The following ATXN7 variants were observed in gnomAD, a reference collection of about 807,000 sequenced individuals.
ATXN7 encodes the protein ataxin 7, also known as ataxin-7.
In ATXN7, 12 loss-of-function variants were observed where a neutral mutation model predicts 70.5. The observed-to-expected ratio is 0.17, with a 90% CI of 0.11 to 0.28. The LOEUF is 0.28. ATXN7 is among the 10% of genes least tolerant of loss of function. ATXN7 has a pLI of 1.00. For missense variants in ATXN7, 1,256 were observed against 1,131.7 expected, an observed-to-expected ratio of 1.11 and a Z score of -1.58; for synonymous variants, 498 against 448.7, an observed-to-expected ratio of 1.11 and a Z score of -1.39.
chr3:63,936,459 A>G (rs2074664428), intron 4 of ATXN7, among the ~76,000 whole-genome samples: 1 of 152,216 alleles, frequency 6.6e-6, no homozygotes, highest in South Asian at 2.1e-4. Flanking sequence ...GAAACCTGCT[A>G]TAAAATCAAG....
In ATXN7 at chr3:64,002,914, A is replaced by G. The variant is rs553325427; in HGVS notation, c.*3447A>G. 3 of 152,266 alleles carry G rather than the reference A, an allele frequency of 2.0e-5. No individual in the cohort carries two copies. The highest frequency in any genetic ancestry group is 2.0e-4 in the Admixed American group (3 of 15,296). The allele number at this position is 152,266 out of a possible 1,614,324, so 9.4% of individuals were successfully genotyped here. On this transcript the variant is annotated 3_prime_UTR_variant, in exon 13 of 13. Coordinates refer to ENST00000674280, the MANE Select transcript of ATXN7 (RefSeq NM_001377405.1). ...TTAAAATATTTTGTATTCCAAAAAT[A>G]TAATACAAAGAAGTACCTCTGAGAA...
chr3:63,973,651 TC>T (rs2075350256), intron 5 of ATXN7, among the ~76,000 whole-genome samples: 2 of 152,096 alleles, frequency 1.3e-5, no homozygotes, highest in Non-Finnish European at 2.9e-5. Flanking sequence ...GTTTGGCAGT[TC>T]CTGAGCTCTT....
chr3:63,883,754 T>G (rs1005484175), intron 1 of ATXN7, among the ~76,000 whole-genome samples: 4 of 152,108 alleles, frequency 2.6e-5, no homozygotes, highest in African/African-American at 9.7e-5. Context: ...GAAGTATCAT[T>G]TAGTATTAAG....
At chr3:63,965,531 G>A (rs1263952228) in intron 5 of ATXN7, among the ~76,000 whole-genome samples, 2 of 152,042 alleles carry the variant, frequency 1.3e-5, no homozygotes, top group South Asian at 4.1e-4. Flanking sequence ...TATAATTTTC[G>A]GTCAGTGAGG....
chr3:63,936,532 C>G (rs564407418), intron 4 of ATXN7, among the ~76,000 whole-genome samples: 1 of 152,100 alleles, frequency 6.6e-6, no homozygotes, highest in South Asian at 2.1e-4. Context: ...GGTGGTCTTA[C>G]GCTAGTCAAG....
intron 1 of ATXN7, among the ~76,000 whole-genome samples, chr3:63,887,337 T>G (rs1703119704): frequency 2.6e-5 from 4 of 152,232 alleles, no homozygotes; most frequent in South Asian, 4.1e-4. Context: ...TATTTATTAT[T>G]GGCACATTGC....
chr3:63,953,498 G>C (rs916425027), intron 5 of ATXN7, among the ~76,000 whole-genome samples: 2 of 152,132 alleles, frequency 1.3e-5, no homozygotes, highest in East Asian at 3.9e-4. Context: ...ATTTATGTAA[G>C]AGAGTAACAC....
chr3:63,871,543 A>G (rs1416397955), intron 1 of ATXN7, among the ~76,000 whole-genome samples: 1 of 152,212 alleles, frequency 6.6e-6, no homozygotes, highest in Non-Finnish European at 1.5e-5. Context: ...TCCTTTTTTT[A>G]TAACAAAACA....
intron 4 of ATXN7, among the ~76,000 whole-genome samples, chr3:63,920,744 T>G (rs555509183): frequency 6.6e-6 from 1 of 152,258 alleles, no homozygotes; most frequent in South Asian, 2.1e-4. Context: ...AAAAAAAGAT[T>G]AAATGAAAGC....
intron 1 of ATXN7, among the ~76,000 whole-genome samples, chr3:63,868,331 C>T (rs1392028561): frequency 2.0e-5 from 3 of 152,130 alleles, no homozygotes; most frequent in Non-Finnish European, 2.9e-5. Context: ...TCTTCAGTTA[C>T]TCATCTGGAT....
At chr3:63,872,492 A>T (rs999316367) in intron 1 of ATXN7, among the ~76,000 whole-genome samples, 3 of 152,148 alleles carry the variant, frequency 2.0e-5, no homozygotes, top group Admixed American at 6.6e-5. Context: ...AAATTTCCTC[A>T]GGTGGAGGCA....
intron 4 of ATXN7, among the ~76,000 whole-genome samples, chr3:63,946,305 G>C (rs574988491): frequency 6.6e-6 from 1 of 152,304 alleles, no homozygotes; most frequent in East Asian, 1.9e-4. Context: ...AAAGAGCAGA[G>C]AGAAGAGCTT....
At chr3:63,901,812 T>TA (rs1703652020) in intron 2 of ATXN7, 2 of 152,066 alleles carry the variant, frequency 1.3e-5, no homozygotes, top group Non-Finnish European at 2.9e-5. Context: ...TATTTAGCCA[T>TA]AAAAAAGAAG....
chr3:63,995,554 C>T lies in ATXN7; in HGVS notation c.1732C>T (p.Pro578Ser), dbSNP rs1279041841. Reference protein sequence around the residue: ...STTSPISTRIPHRTNSVPTSQ... With the variant: ...STTSPISTRISHRTNSVPTSQ... Reference sequence around the variant, plus strand: ...CACCTCACCCATCTCCACACGTATTCCTCACCGGACAAACTCTGTGCCGAC... The same window carrying T: ...CACCTCACCCATCTCCACACGTATTTCTCACCGGACAAACTCTGTGCCGAC... The change falls in exon 12 of 13, where the codon CCT (proline) becomes TCT (serine). Residue 578 changes from proline to serine, a missense_variant. Transcript: ENST00000674280. 3.7e-6 allele frequency: 6 copies of T among 1,614,038 alleles called. No individual in the cohort carries two copies. Among genetic ancestry groups the T allele is most frequent in the African/African-American group, 2.7e-5 (2 of 74,900 alleles).
At chr3:63,927,667 G>GT (rs34672099) in intron 4 of ATXN7, among the ~76,000 whole-genome samples, 3 of 152,112 alleles carry the variant, frequency 2.0e-5, no homozygotes, top group Admixed American at 6.5e-5. Flanking sequence ...CATCACCAGG[G>GT]TTTTCTTTCC....
chr3:63,974,803 T>C (rs1307828184), intron 5 of ATXN7, among the ~76,000 whole-genome samples: 2 of 152,152 alleles, frequency 1.3e-5, no homozygotes, highest in Non-Finnish European at 2.9e-5. Context: ...AGTAAAATGT[T>C]TAATAAGTTA....
At chr3:63,929,162 A>G (rs1029742773) in intron 4 of ATXN7, among the ~76,000 whole-genome samples, 2 of 152,162 alleles carry the variant, frequency 1.3e-5, no homozygotes, top group Admixed American at 6.5e-5. Flanking sequence ...ACTTAGGACA[A>G]TGTCTACATC....
At chr3:63,995,055 G>A (rs548275646) in intron 11 of ATXN7, among the ~76,000 whole-genome samples, 2 of 152,250 alleles carry the variant, frequency 1.3e-5, no homozygotes, top group East Asian at 1.9e-4. Flanking sequence ...CATTTATTCA[G>A]TGCCTTCTGT....
intron 4 of ATXN7, among the ~76,000 whole-genome samples, chr3:63,948,408 T>C (rs1470648355): frequency 6.6e-6 from 1 of 152,060 alleles, no homozygotes; most frequent in Non-Finnish European, 1.5e-5. Flanking sequence ...ATATAAGACA[T>C]CTAGATGGTA....
Sources: allele counts gnomAD v4.1 joint callset (sites outside exome capture counted in the v4.1 genomes callset), GRCh38; gene constraint gnomAD v4.1.1; transcripts MANE v1.5; gene names NCBI Gene and HGNC (gene_info 2026-07-23, HGNC 2026-07-21).